The following TRNT1 variants were observed in gnomAD, a reference collection of about 807,000 sequenced individuals.
The protein encoded by TRNT1 is CCA tRNA nucleotidyltransferase 1, mitochondrial.
A neutral mutation model predicts 45.6 loss-of-function variants in TRNT1; 44 were observed. That is an observed-to-expected ratio of 0.97 (90% CI 0.76 to 1.24). TRNT1 has a LOEUF of 1.24. Among genes scored for constraint, TRNT1 ranks in the 50% most tolerant of loss-of-function variants. TRNT1 has a pLI of 0.00. For synonymous variants in TRNT1, 201 were observed against 171.4 expected (o/e 1.17, Z -1.35); for missense variants, 633 against 504.4 (o/e 1.25, Z -2.44).
At chr3:3,140,716 T>C in intron 4 of TRNT1, 68 bp downstream of exon 4, 1 of 1,542,340 alleles carries the variant, frequency 6.5e-7, no homozygotes, top group Middle Eastern at 1.7e-4. Context: ...AAAACCTACA[T>C]TCTGGAAATG....
At chr3:3,128,095 G>A (rs1243451007) in intron 1 of TRNT1, 2 of 152,196 alleles carry the variant, frequency 1.3e-5, no homozygotes, top group African/African-American at 4.8e-5. Context: ...TAAGATCTGA[G>A]TCCTGAAGAC....
intron 2 of TRNT1, chr3:3,129,417 A>G (rs1223930799): frequency 3.5e-5 from 16 of 456,086 alleles, no homozygotes; most frequent in South Asian, 9.7e-5. Context: ...ACGGTGCCCA[A>G]TGTGCACGTT....
chr3:3,140,693 C>G (rs745325497), intron 4 of TRNT1, 45 bp downstream of exon 4: 16 of 1,582,812 alleles, frequency 1.0e-5, no homozygotes, highest in Middle Eastern at 1.7e-4. Flanking sequence ...ATCAGAATGC[C>G]TTCTTTTCAA....
chr3:3,152,659 A>C, downstream of TRNT1: 2 of 1,567,680 alleles, frequency 1.3e-6, no homozygotes, highest in Non-Finnish European at 8.8e-7. Context: ...TTAGAATTTT[A>C]TTGAAGTTCA....
chr3:3,147,974 A>G lies in TRNT1; in HGVS notation c.1125A>G (p.Leu375=), dbSNP rs2126038121. 2.5e-6 allele frequency: 4 copies of G among 1,614,016 alleles called. No individual in the cohort carries two copies. The highest frequency in any genetic ancestry group is 2.2e-5 in the South Asian group (2 of 91,084). The change falls in exon 8 of 8, where the codon CTA becomes CTG. Residue 375 remains leucine, a synonymous_variant. Transcript: ENST00000251607. Reference sequence around the variant, plus strand: ...AGTACCAAGGAGAGCACTGTCTCCTAAAGGAAATGCAGCAGTGGTCCATTC... The same window carrying G: ...AGTACCAAGGAGAGCACTGTCTCCTGAAGGAAATGCAGCAGTGGTCCATTC... ...LLKYQGEHCL[L]KEMQQWSIPP...
Position 3,146,587 on chromosome 3 carries a change from C to G in TRNT1, c.766C>G (p.His256Asp), listed in dbSNP as rs955405539. The G allele has an allele frequency of 6.2e-7, 1 of 1,613,586 alleles. No individual in the cohort carries two copies. The highest frequency in any genetic ancestry group is 8.5e-7 in the Non-Finnish European group (1 of 1,179,724). The change falls in exon 6 of 8, where the codon CAC becomes GAC. Residue 256 changes from histidine (H) to aspartate (D), a missense_variant. His to Asp is a moderately conservative substitution (Grantham distance 81, BLOSUM62 -1). Transcript: ENST00000251607. Reference sequence around the variant, plus strand: ...TGGTAACCATGTAAATCATTTGATTCACCTTATCTATGATCTTGATGTGGC... The same window carrying G: ...TGGTAACCATGTAAATCATTTGATTGACCTTATCTATGATCTTGATGTGGC... ...LVGNHVNHLI[H>D]LIYDLDVAPY...
intron 4 of TRNT1, among the ~76,000 whole-genome samples, chr3:3,141,550 T>G (rs953541241): frequency 6.6e-6 from 1 of 152,246 alleles, no homozygotes; most frequent in African/African-American, 2.4e-5. Flanking sequence ...GAAACCTATT[T>G]ATTTCAGCTT....
chr3:3,135,038 A>G (rs1241097639), intron 2 of TRNT1, among the ~76,000 whole-genome samples: 1 of 148,432 alleles, frequency 6.7e-6, no homozygotes, highest in African/African-American at 2.6e-5. Flanking sequence ...ATTAAAAAAA[A>G]GAGAGAATAG....
intron 5 of TRNT1, among the ~76,000 whole-genome samples, chr3:3,146,007 C>G (rs534331095): frequency 1.3e-5 from 2 of 150,374 alleles, no homozygotes; most frequent in South Asian, 4.2e-4. Flanking sequence ...GACAGGCAAG[C>G]TTTGAGGAAT....
chr3:3,148,638 ATG>A lies in TRNT1; in HGVS notation c.*487_*488del, dbSNP rs1706231748. On this transcript the variant is annotated 3_prime_UTR_variant, in exon 8 of 8. Coordinates refer to ENST00000251607, the MANE Select transcript of TRNT1 (RefSeq NM_182916.3). ...AATTGACCAAGTAAGTTTGCATAAAATGTGAATACTAAATGTGTCCCCAGTTG... is the reference window on the plus strand; with the variant it reads ...AATTGACCAAGTAAGTTTGCATAAAATGAATACTAAATGTGTCCCCAGTTG... The A allele has an allele frequency of 1.3e-5, 2 of 152,874 alleles. No homozygotes were observed. Among genetic ancestry groups the A allele is most frequent in the South Asian group, 4.1e-4 (2 of 4,876 alleles). The allele number at this position is 152,874 out of a possible 1,614,324, so 9.5% of individuals were successfully genotyped here.
intron 4 of TRNT1, among the ~76,000 whole-genome samples, chr3:3,143,562 C>T (rs1705794498): frequency 6.6e-6 from 1 of 152,170 alleles, no homozygotes; most frequent in Non-Finnish European, 1.5e-5. Flanking sequence ...CGTTGCCGAT[C>T]TGAAAGACGC....
At chr3:3,143,442 T>A (rs1214255415) in intron 4 of TRNT1, among the ~76,000 whole-genome samples, 1 of 152,228 alleles carries the variant, frequency 6.6e-6, no homozygotes, top group Non-Finnish European at 1.5e-5. Context: ...TTAACATGGT[T>A]CAAAATTCAC....
chr3:3,149,298 C>T (rs528605679), downstream of TRNT1: 1 of 152,104 alleles, frequency 6.6e-6, no homozygotes, highest in Admixed American at 6.6e-5. Flanking sequence ...TTAAGTACTG[C>T]CAAAATACAG....
At chr3:3,143,385 CAT>C (rs1491509763) in intron 4 of TRNT1, among the ~76,000 whole-genome samples, 1 of 152,094 alleles carries the variant, frequency 6.6e-6, no homozygotes, top group Non-Finnish European at 1.5e-5. Flanking sequence ...TTTCATTCAA[CAT>C]ATGAGAACAT....
In TRNT1 at chr3:3,129,045, T is replaced by TGA. The variant is rs1344599700; in HGVS notation, c.7_8dup (p.Cys4GlyfsTer11). On this transcript the variant is annotated frameshift_variant, in exon 2 of 8. Coordinates refer to ENST00000251607, the MANE Select transcript of TRNT1 (RefSeq NM_182916.3). LOFTEE classifies it high-confidence loss of function. The stretch of plus-strand genomic sequence containing the variant: ...AGTTGGTGACTGCCTCTCCAGATGC[T>TGA]GAGGTGCCTGTATCATTGGCACAGG... 1 of 1,607,416 alleles carries TGA rather than the reference T, an allele frequency of 6.2e-7. No homozygotes were observed. Among genetic ancestry groups the TGA allele is most frequent in the African/African-American group, 1.3e-5 (1 of 74,898 alleles).
At chr3:3,151,496 A>AC (rs1168963163), downstream of TRNT1, among the ~76,000 whole-genome samples, 1 of 94,622 alleles carries the variant, frequency 1.1e-5, no homozygotes. Flanking sequence ...CAAAAAGTAA[A>AC]TATTTATATT....
chr3:3,151,006 G>A (rs1706500616), downstream of TRNT1: 1 of 1,613,906 alleles, frequency 6.2e-7, no homozygotes, highest in Non-Finnish European at 8.5e-7. Context: ...ATCCAATATG[G>A]CTTGCACAGA....
intron 2 of TRNT1, among the ~76,000 whole-genome samples, chr3:3,132,952 G>C (rs1049023002): frequency 6.6e-6 from 1 of 152,052 alleles, no homozygotes; most frequent in Admixed American, 6.6e-5. Flanking sequence ...TTAGTGCAAT[G>C]ATCAACAAGT....
At chr3:3,130,291 A>G (rs899468995) in intron 2 of TRNT1, 7 of 250,494 alleles carry the variant, frequency 2.8e-5, no homozygotes, top group Admixed American at 1.5e-4. Context: ...GGGTGGGATG[A>G]CCATCTATAT....
Sources: gnomAD v4.1 joint callset for allele counts (sites outside exome capture counted in the v4.1 genomes callset) on GRCh38, gnomAD v4.1.1 for gene constraint, MANE v1.5 for transcripts, NCBI Gene and HGNC (gene_info 2026-07-23, HGNC 2026-07-21) for gene names.